Variants in NBEAL1 observed in about 807,000 individuals in gnomAD.
NBEAL1 encodes neurobeachin-like protein 1.
NBEAL1 carries 273 observed loss-of-function variants against 351.3 expected under a neutral mutation model. The ratio of observed to expected loss-of-function variants is 0.78; its 90% CI spans 0.70 to 0.86. The LOEUF (loss-of-function observed/expected upper bound fraction) is 0.86, where lower values mean the gene tolerates loss of function less well. Ranked by LOEUF, NBEAL1 falls within the 40% of genes least tolerant of loss-of-function variation. The probability of loss-of-function intolerance (pLI) is 0.00; values close to 1 mark genes in which losing one functional copy is unlikely to be tolerated. For missense variants in NBEAL1, 2,961 were observed against 3,201.3 expected, an observed-to-expected ratio of 0.92 and a Z score of 1.81; for synonymous variants, 1,050 against 1,086.4, an observed-to-expected ratio of 0.97 and a Z score of 0.66.
rs2062172774 is a variant in NBEAL1, at chr2:203,095,828, A to G, written c.1099-1719A>G. Among the ~76,000 whole-genome samples the G allele has an allele frequency of 2.0e-5, 3 of 151,966 alleles. No individual in the cohort carries two copies. In the South Asian group the frequency reaches 6.3e-4, roughly 32 times the overall value. ...CACTCTGTCACCTAGGCTGGAGTGT[A>G]GTGGCTCTATCCCTGCTCACTGCAA... is the stretch of plus-strand genomic sequence containing the variant. On this transcript the variant is annotated intron_variant, in intron 10 of 55. Coordinates refer to ENST00000683969, the MANE Select transcript of NBEAL1 (RefSeq NM_001378026.1).
chr2:203,122,241 C>A lies in NBEAL1; in HGVS notation c.2593-13C>A, dbSNP rs2062848825. 1.4e-6 allele frequency: 2 copies of A among 1,468,206 alleles called. No homozygotes were observed. Among genetic ancestry groups the A allele is most frequent in the East Asian group, 5.1e-5 (2 of 39,398 alleles). The allele number at this position is 1,468,206 out of a possible 1,614,324, so 90.9% of individuals were successfully genotyped here. On this transcript the variant is annotated splice_polypyrimidine_tract_variant and intron_variant, in intron 18 of 55. Coordinates refer to ENST00000683969, the MANE Select transcript of NBEAL1 (RefSeq NM_001378026.1). ...CTAATTGGTTGTTTGCCATATTTTTCTTTTATTCTTAGGCCTGCAAAAATT... is the reference window on the plus strand; with the variant it reads ...CTAATTGGTTGTTTGCCATATTTTTATTTTATTCTTAGGCCTGCAAAAATT...
chr2:203,177,738 G>T (rs1468039016), intron 42 of NBEAL1, among the ~76,000 whole-genome samples: 1 of 152,138 alleles, frequency 6.6e-6, no homozygotes. Context: ...ATATAGAGGG[G>T]CTGGGTGTGG....
rs2063112504 is a variant in NBEAL1 at position 203,133,125 on chromosome 2, T to TA, written c.3793dup (p.Arg1265LysfsTer34). On this transcript the variant is annotated frameshift_variant, in exon 27 of 56. Coordinates refer to ENST00000683969, the MANE Select transcript of NBEAL1 (RefSeq NM_001378026.1). LOFTEE classifies it high-confidence loss of function. ...TATCTCACAGAGCACATATAAATGT[T>TA]AGAGTGGCCATCTGCAGAAAGGTCA... 1 of 1,499,752 alleles carries TA rather than the reference T, an allele frequency of 6.7e-7. No homozygotes were observed. Among genetic ancestry groups the TA allele is most frequent in the Admixed American group, 2.0e-5 (1 of 48,918 alleles). 92.9% of individuals were successfully genotyped at this position (1,499,752 alleles called of 1,614,324 possible).
At chr2:203,175,387 C>T in intron 42 of NBEAL1, 100 bp downstream of exon 42, 1 of 1,213,304 alleles carries the variant, frequency 8.2e-7, no homozygotes, top group East Asian at 2.5e-5. Context: ...TTTTTATTCT[C>T]CTGTATTAAA....
intron 33 of NBEAL1, among the ~76,000 whole-genome samples, chr2:203,147,303 A>C (rs1652064850): frequency 6.6e-6 from 1 of 152,196 alleles, no homozygotes; most frequent in South Asian, 2.1e-4. Flanking sequence ...CAAATAAGCA[A>C]GGTTAGCAAG....
At position 203,144,629 on chromosome 2, in the gene NBEAL1, T is replaced by C. The variant is rs1225905217; in HGVS notation, c.4878T>C (p.Asn1626=). The change falls in exon 32 of 56, where the codon AAT becomes AAC. Residue 1626 remains asparagine, a synonymous_variant. Transcript: ENST00000683969. ...GTGCAATGGCATCAGCTAAGCTAAATACCCTTCTTCAGACCAAAGTGATTG... is the reference window on the plus strand; with the variant it reads ...GTGCAATGGCATCAGCTAAGCTAAACACCCTTCTTCAGACCAAAGTGATTG... The part of the protein sequence containing the change: ...QVCAMASAKL[N]TLLQTKVIEN... The C allele has an allele frequency of 6.2e-7, 1 of 1,613,970 alleles. No homozygotes were observed. The highest frequency in any genetic ancestry group is 8.5e-7 in the Non-Finnish European group (1 of 1,179,914).
chr2:203,217,290 C>A lies in NBEAL1; in HGVS notation c.8108C>A (p.Ser2703Ter), dbSNP rs773291532. The change falls in exon 56 of 56, where the codon TCG becomes TAG. Residue 2703 changes from serine to a stop codon, truncating the protein, a stop_gained. Coordinates refer to ENST00000683969, the MANE Select transcript of NBEAL1 (RefSeq NM_001378026.1). LOFTEE classifies it high-confidence loss of function. Reference sequence around the variant, plus strand: ...CAGCTTTCTCGAAAATTTTGGGGATCGAGCAAGCGGCTCAGCCAGATTTCA... The same window carrying A: ...CAGCTTTCTCGAAAATTTTGGGGATAGAGCAAGCGGCTCAGCCAGATTTCA... ...SGQLSRKFWG[S>*]SKRLSQISAG... 2 of 1,598,812 alleles carry A rather than the reference C, an allele frequency of 1.3e-6. No individual in the cohort carries two copies. Among genetic ancestry groups the A allele is most frequent in the Non-Finnish European group, 8.5e-7 (1 of 1,172,110 alleles).
At chr2:203,212,013 G>A (rs567508059) in intron 54 of NBEAL1, among the ~76,000 whole-genome samples, 3 of 152,018 alleles carry the variant, frequency 2.0e-5, no homozygotes, top group South Asian at 2.1e-4. Flanking sequence ...CACCCTCCAC[G>A]TCAGCTGGGA....
At chr2:203,141,139 T>C (rs1043219813) in intron 31 of NBEAL1, among the ~76,000 whole-genome samples, 5 of 151,512 alleles carry the variant, frequency 3.3e-5, no homozygotes, top group Non-Finnish European at 7.4e-5. Context: ...GCTAAAGTAG[T>C]TGCAGTTAGC....
chr2:203,119,424 C>CTTTTTTATTTTTTTTTTTTTTTT (rs2062776654), intron 18 of NBEAL1, among the ~76,000 whole-genome samples: 1 of 66,656 alleles, frequency 1.5e-5, no homozygotes, highest in Non-Finnish European at 2.6e-5. Flanking sequence ...CGGCCTGTTG[C>CTTTTTTATTTTTTTTTTTTTTTT]TTTTTTTTTT....
intron 4 of NBEAL1, among the ~76,000 whole-genome samples, chr2:203,051,879 TA>T: frequency 6.6e-6 from 1 of 152,320 alleles, no homozygotes. Context: ...TTAAAAACTT[TA>T]ATAAACTTTA....
chr2:203,131,126 C>G (rs2063061561), intron 25 of NBEAL1, among the ~76,000 whole-genome samples: 1 of 152,192 alleles, frequency 6.6e-6, no homozygotes, highest in Admixed American at 6.5e-5. Flanking sequence ...TAAATTATTT[C>G]TCTTTAATTT....
intron 19 of NBEAL1, among the ~76,000 whole-genome samples, chr2:203,123,342 C>CT (rs556349216): frequency 0.015 from 2,127 of 139,000 alleles, 16 homozygotes; most frequent in Non-Finnish European, 0.017. Flanking sequence ...TTTCTTTTTT[C>CT]TTTTTTTTTT....
At chr2:203,106,775 A>G (rs1225195652) in intron 12 of NBEAL1, among the ~76,000 whole-genome samples, 1 of 152,154 alleles carries the variant, frequency 6.6e-6, no homozygotes, top group Non-Finnish European at 1.5e-5. Flanking sequence ...TATATATTTC[A>G]ACCTAAGGTA....
At chr2:203,081,723 T>TC (rs2061876532) in intron 8 of NBEAL1, among the ~76,000 whole-genome samples, 1 of 152,232 alleles carries the variant, frequency 6.6e-6, no homozygotes, top group Non-Finnish European at 1.5e-5. Flanking sequence ...CTTCTAGAGT[T>TC]CTGGCCATTA....
chr2:203,038,698 T>C (rs560585884), intron 2 of NBEAL1, among the ~76,000 whole-genome samples: 1 of 149,002 alleles, frequency 6.7e-6, no homozygotes, highest in East Asian at 1.9e-4. Flanking sequence ...TGCAGAGATT[T>C]TCATCTTTTT....
chr2:203,202,651 G>T (rs187757939), intron 50 of NBEAL1, 36 bp from the exon 51 acceptor site: 2 of 1,202,564 alleles, frequency 1.7e-6, no homozygotes, highest in South Asian at 1.2e-5. Context: ...TTAGCAAAAC[G>T]AGGCATCTCA....
Position 203,222,081 on chromosome 2 carries a change from G to T in NBEAL1, c.*4727G>T, listed in dbSNP as rs1170408685. Among the ~76,000 whole-genome samples the T allele has an allele frequency of 6.6e-6, 1 of 152,176 alleles. No individual in the cohort carries two copies. Among genetic ancestry groups the T allele is most frequent in the Non-Finnish European group, 1.5e-5 (1 of 68,028 alleles). ...CAAGCGCCTGTAGTCCTAGCTGCTC[G>T]GGAGGCTGAGGCAAGGGGTTTGCTT... On this transcript the variant is annotated 3_prime_UTR_variant, in exon 56 of 56. Coordinates refer to ENST00000683969, the MANE Select transcript of NBEAL1 (RefSeq NM_001378026.1).
At chr2:203,191,427 T>A in intron 46 of NBEAL1, 1 of 457,450 alleles carries the variant, frequency 2.2e-6, no homozygotes, top group East Asian at 3.5e-5. Context: ...TGAAATTAAA[T>A]CATTATCTTC....
Sources: gnomAD v4.1 joint callset for allele counts (sites outside exome capture counted in the v4.1 genomes callset) on GRCh38, gnomAD v4.1.1 for gene constraint, MANE v1.5 for transcripts, NCBI Gene and HGNC (gene_info 2026-07-23, HGNC 2026-07-21) for gene names.